EFCAB6: variants seen among roughly 807,000 people sequenced by gnomAD.
EFCAB6 encodes EF-hand calcium-binding domain-containing protein 6.
EFCAB6 carries 156 observed loss-of-function variants against 169.8 expected under a neutral mutation model. The ratio of observed to expected loss-of-function variants is 0.92; its 90% CI spans 0.81 to 1.05. The LOEUF is 1.05. EFCAB6 is among the 50% of genes least tolerant of loss of function. The pLI is 0.00. For missense variants in EFCAB6, 1,800 were observed against 1,829.1 expected (o/e 0.98, Z 0.29); for synonymous variants, 698 against 676.4 (o/e 1.03, Z -0.50).
At chr22:43,638,077 A>G (rs553403785) in intron 17 of EFCAB6, among the ~76,000 whole-genome samples, 1 of 152,262 alleles carries the variant, frequency 6.6e-6, no homozygotes, top group East Asian at 1.9e-4. Flanking sequence ...GGCACGGAGC[A>G]CCGGAGCACC....
At chr22:43,630,355 G>A (rs1363182820) in intron 19 of EFCAB6, among the ~76,000 whole-genome samples, 2 of 152,168 alleles carry the variant, frequency 1.3e-5, no homozygotes, top group African/African-American at 2.4e-5. Flanking sequence ...AGTGGGTGTC[G>A]GTGATGGTCT....
chr22:43,694,317 C>T (rs901180021), intron 10 of EFCAB6, among the ~76,000 whole-genome samples: 8 of 152,006 alleles, frequency 5.3e-5, no homozygotes, highest in Non-Finnish European at 1.2e-4. Flanking sequence ...AACTAATTTA[C>T]GATTTAAAAT....
At chr22:43,686,402 T>A (rs1248431292) in intron 11 of EFCAB6, among the ~76,000 whole-genome samples, 18 of 152,172 alleles carry the variant, frequency 1.2e-4, no homozygotes, top group Admixed American at 1.2e-3. Flanking sequence ...ATCAGTAGCT[T>A]CCCCACCCTC....
intron 24 of EFCAB6, among the ~76,000 whole-genome samples, chr22:43,584,591 T>G (rs1023719702): frequency 3.3e-5 from 5 of 151,968 alleles, no homozygotes; most frequent in Admixed American, 3.3e-4. Flanking sequence ...ATAACAACTT[T>G]CCAAGGGAAA....
At chr22:43,806,264 ATT>A (rs771866108) in intron 2 of EFCAB6, among the ~76,000 whole-genome samples, 21 of 143,608 alleles carry the variant, frequency 1.5e-4, no homozygotes, top group Admixed American at 2.8e-4. Context: ...CTGAAATTCA[ATT>A]TTTTTTTTTT....
At chr22:43,693,371 A>C (rs1399259924) in intron 10 of EFCAB6, among the ~76,000 whole-genome samples, 1 of 151,792 alleles carries the variant, frequency 6.6e-6, no homozygotes, top group East Asian at 1.9e-4. Flanking sequence ...ACATTACTCC[A>C]GTCTAATCAG....
At chr22:43,670,722 C>T (rs924610247) in intron 15 of EFCAB6, among the ~76,000 whole-genome samples, 13 of 152,194 alleles carry the variant, frequency 8.5e-5, no homozygotes, top group Non-Finnish European at 1.5e-4. Flanking sequence ...ACCAGAACAA[C>T]GCCTACCTCA....
chr22:43,531,076 C>T, intron 30 of EFCAB6, 112 bp from the exon 31 acceptor site: 1 of 1,394,342 alleles, frequency 7.2e-7, no homozygotes, highest in Non-Finnish European at 9.9e-7. Flanking sequence ...CTTCACCTCC[C>T]AACCTGCTCC....
chr22:43,750,727 G>C (rs1477550994), intron 6 of EFCAB6, among the ~76,000 whole-genome samples: 2 of 152,130 alleles, frequency 1.3e-5, no homozygotes, highest in Non-Finnish European at 2.9e-5. Flanking sequence ...TTATGAAATG[G>C]TGGTGATTCT....
intron 6 of EFCAB6, among the ~76,000 whole-genome samples, chr22:43,736,796 G>A (rs1194804714): frequency 1.3e-5 from 2 of 152,022 alleles, no homozygotes; most frequent in African/African-American, 4.8e-5. Context: ...TGTTAGATAC[G>A]GAAACTGACT....
intron 17 of EFCAB6, among the ~76,000 whole-genome samples, chr22:43,649,502 T>C (rs1408900877): frequency 6.6e-6 from 1 of 152,194 alleles, no homozygotes; most frequent in Non-Finnish European, 1.5e-5. Flanking sequence ...TTTAAAAATG[T>C]TTTTAAAAAT....
rs1377949223 is a variant in EFCAB6, at chr22:43,744,835, AAAG to A, written c.508-8845_508-8843del. Among the ~76,000 whole-genome samples, 1 of 152,168 alleles carries A rather than the reference AAAG, an allele frequency of 6.6e-6. No individual in the cohort carries two copies. The highest frequency in any genetic ancestry group is 2.4e-5 in the African/African-American group (1 of 41,430). ...ATGATCTGGGGGAGAGAGGAAGCAG[AAAG>A]AAGGAGGGAGGTACAGCCAGTGAGC... is the stretch of plus-strand genomic sequence containing the variant. On this transcript the variant is annotated intron_variant, in intron 6 of 31. Coordinates refer to ENST00000262726, the MANE Select transcript of EFCAB6 (RefSeq NM_022785.4). This position sits in a 1 kb window ranked among gnomAD's most constrained non-coding sequence, Gnocchi z 4.3.
intron 26 of EFCAB6, among the ~76,000 whole-genome samples, chr22:43,564,415 T>A (rs752489078): frequency 2.7e-5 from 4 of 148,018 alleles, no homozygotes; most frequent in Non-Finnish European, 5.9e-5. Flanking sequence ...GCCACTGCAC[T>A]CCAGCCTGGG....
chr22:43,787,595 G>GAGGA (rs2062129582), intron 2 of EFCAB6, among the ~76,000 whole-genome samples: 6 of 152,094 alleles, frequency 3.9e-5, no homozygotes, highest in Admixed American at 3.9e-4. Flanking sequence ...CAATATTGTT[G>GAGGA]AAAGTAGACC....
chr22:43,806,516 G>A (rs1175009194), intron 2 of EFCAB6, among the ~76,000 whole-genome samples: 1 of 152,064 alleles, frequency 6.6e-6, no homozygotes, highest in Non-Finnish European at 1.5e-5. Context: ...GAAGTGTTGG[G>A]ATTACAGGTA....
intron 2 of EFCAB6, among the ~76,000 whole-genome samples, chr22:43,784,591 GTATATA>G (rs1198526845): frequency 1.7e-5 from 1 of 57,452 alleles, no homozygotes. Context: ...ACATATATAT[GTATATA>G]TACACATATA....
chr22:43,737,740 CA>C (rs2060202868), intron 6 of EFCAB6, among the ~76,000 whole-genome samples: 1 of 150,560 alleles, frequency 6.6e-6, no homozygotes, highest in Non-Finnish European at 1.5e-5. Context: ...CACACACACA[CA>C]TGCACAGATA....
At chr22:43,674,024 C>G (rs949707776) in intron 13 of EFCAB6, among the ~76,000 whole-genome samples, 1 of 151,006 alleles carries the variant, frequency 6.6e-6, no homozygotes, top group Non-Finnish European at 1.5e-5. Context: ...TAGCTACAAT[C>G]TACAGAAGTG....
chr22:43,563,913 T>C (rs892063812), intron 26 of EFCAB6, among the ~76,000 whole-genome samples: 2 of 152,248 alleles, frequency 1.3e-5, no homozygotes, highest in East Asian at 3.9e-4. Context: ...ACTGCGTCTC[T>C]TGACCGGCTG....
Sources: allele counts gnomAD v4.1 joint callset (sites outside exome capture counted in the v4.1 genomes callset), GRCh38; gene constraint gnomAD v4.1.1; non-coding constraint Gnocchi (gnomAD v3.1); transcripts MANE v1.5; gene names NCBI Gene and HGNC (gene_info 2026-07-23, HGNC 2026-07-21).